GRIA4: variants seen among roughly 807,000 people sequenced by gnomAD.
GRIA4 encodes glutamate receptor 4.
In GRIA4, 34 loss-of-function variants were observed where a neutral mutation model predicts 104.0. That is an observed-to-expected ratio of 0.33 (90% CI 0.25 to 0.44). The LOEUF is 0.44. Ranked by LOEUF, GRIA4 falls within the 20% of genes least tolerant of loss-of-function variation. GRIA4 has a pLI of 1.00. For missense variants in GRIA4, 750 were observed against 1,096.5 expected (o/e 0.68, Z 4.46); for synonymous variants, 386 against 381.9 (o/e 1.01, Z -0.13).
chr11:105,708,257 C>A (rs1953778725), intron 3 of GRIA4, among the ~76,000 whole-genome samples: 1 of 152,020 alleles, frequency 6.6e-6, no homozygotes. Flanking sequence ...ATACATTCAT[C>A]CACTCATCTC....
chr11:105,728,129 C>T (rs571671497), intron 3 of GRIA4, among the ~76,000 whole-genome samples: 1 of 152,158 alleles, frequency 6.6e-6, no homozygotes, highest in African/African-American at 2.4e-5. Flanking sequence ...TCAGGAGACC[C>T]ATGTCATGTG....
chr11:105,913,110 A>G, intron 10 of GRIA4: 1 of 701,674 alleles, frequency 1.4e-6, no homozygotes, highest in Non-Finnish European at 1.8e-6. Context: ...TGAGAAATTC[A>G]GTTATTCATA....
chr11:105,948,086 ATC>A lies in GRIA4; in HGVS notation c.2294+14121_2294+14122del, dbSNP rs554336699. 1.6e-4 allele frequency among the ~76,000 whole-genome samples: 24 copies of A among 152,284 alleles called. No individual in the cohort carries two copies. The South Asian group carries it at 3.5e-3, about 22-fold the overall frequency. ...CTCAGCTTCCTTTCATTAGCTTGTA[ATC>A]TCTGTTTCTATAAGAAGCACTCTTA... On this transcript the variant is annotated intron_variant, in intron 14 of 16. Coordinates refer to ENST00000282499, the MANE Select transcript of GRIA4 (RefSeq NM_000829.4).
chr11:105,817,845 T>G (rs1173106506), intron 4 of GRIA4, among the ~76,000 whole-genome samples: 1 of 152,066 alleles, frequency 6.6e-6, no homozygotes. Context: ...AACATAGGAA[T>G]CTGTAAGCAC....
chr11:105,760,981 C>A (rs1940608631), intron 4 of GRIA4, among the ~76,000 whole-genome samples: 1 of 152,020 alleles, frequency 6.6e-6, no homozygotes, highest in Non-Finnish European at 1.5e-5. Context: ...AAATACAGTG[C>A]AAGACCTATG....
At chr11:105,654,779 A>C (rs866835450) in intron 3 of GRIA4, among the ~76,000 whole-genome samples, 5 of 152,282 alleles carry the variant, frequency 3.3e-5, no homozygotes, top group Middle Eastern at 3.4e-3. Flanking sequence ...GACAGGTCTG[A>C]GTACCTAGTA....
intron 4 of GRIA4, among the ~76,000 whole-genome samples, chr11:105,845,283 T>C (rs1944542229): frequency 6.6e-6 from 1 of 152,168 alleles, no homozygotes; most frequent in South Asian, 2.1e-4. Context: ...CTGTGGCTGC[T>C]TGGGCTTCCT....
At chr11:105,696,085 T>C (rs556394326) in intron 3 of GRIA4, among the ~76,000 whole-genome samples, 1 of 152,344 alleles carries the variant, frequency 6.6e-6, no homozygotes, top group Admixed American at 6.5e-5. Context: ...GTTGGGACTT[T>C]TATGTTGGCT....
chr11:105,864,592 C>G (rs1403028453), intron 5 of GRIA4, among the ~76,000 whole-genome samples: 1 of 152,048 alleles, frequency 6.6e-6, no homozygotes, highest in African/African-American at 2.4e-5. Flanking sequence ...TTTCTATGGC[C>G]GGGCATGGTG....
intron 4 of GRIA4, among the ~76,000 whole-genome samples, chr11:105,755,685 T>C (rs960425364): frequency 3.9e-5 from 6 of 152,222 alleles, no homozygotes; most frequent in African/African-American, 1.4e-4. Context: ...AGCTCAGCAC[T>C]TGAAGTGGTA....
intron 4 of GRIA4, among the ~76,000 whole-genome samples, chr11:105,833,469 A>T (rs531493496): frequency 1.1e-4 from 16 of 152,112 alleles, no homozygotes; most frequent in African/African-American, 3.9e-4. Flanking sequence ...ACAGATACAG[A>T]TGGTAGGATG....
chr11:105,767,101 G>A (rs1940980168), intron 4 of GRIA4, among the ~76,000 whole-genome samples: 1 of 152,140 alleles, frequency 6.6e-6, no homozygotes, highest in Non-Finnish European at 1.5e-5. Context: ...CCAACAGGAG[G>A]TGTTTCATAT....
intron 10 of GRIA4, chr11:105,912,929 T>C: frequency 1.0e-6 from 1 of 976,476 alleles, no homozygotes; most frequent in Non-Finnish European, 1.2e-6. Context: ...TTTTAATATA[T>C]GTGATACCTA....
chr11:105,887,713 G>A, intron 6 of GRIA4, 141 bp downstream of exon 6: 1 of 542,360 alleles, frequency 1.8e-6, no homozygotes, highest in Non-Finnish European at 3.3e-6. Flanking sequence ...TTATTACAAT[G>A]ATCATTAAAT....
rs2136199045 is a variant in GRIA4 at position 105,926,866 on chromosome 11, C to T, written c.1973C>T (p.Ala658Val). The T allele has an allele frequency of 6.2e-7, 1 of 1,611,578 alleles. No individual in the cohort carries two copies. ...VERMVSPIES[A>V]EDLAKQTEIA... ...CGAATGGTCTCTCCCATAGAAAGTG[C>T]AGAAGACCTGGCCAAACAAACAGAA... is the stretch of plus-strand genomic sequence containing the variant. Residue 658 changes from alanine to valine, a missense_variant, in exon 13 of 17, where the codon GCA becomes GTA. Coordinates refer to ENST00000282499, the MANE Select transcript of GRIA4 (RefSeq NM_000829.4).
intron 3 of GRIA4, among the ~76,000 whole-genome samples, chr11:105,667,237 A>C (rs1015775674): frequency 3.3e-5 from 5 of 152,008 alleles, no homozygotes; most frequent in Middle Eastern, 3.2e-3. Context: ...CCTATATTTA[A>C]TCTCCTCTGG....
chr11:105,771,906 T>C (rs1251944253), intron 4 of GRIA4, among the ~76,000 whole-genome samples: 1 of 152,070 alleles, frequency 6.6e-6, no homozygotes, highest in Non-Finnish European at 1.5e-5. Flanking sequence ...AAATCTATTA[T>C]AAAAATTAAA....
intron 1 of GRIA4, 37 bp from the exon 2 acceptor site, chr11:105,610,865 CTTTTCT>C (rs1247152149): frequency 2.0e-6 from 1 of 505,882 alleles, no homozygotes; most frequent in Non-Finnish European, 3.3e-6. Flanking sequence ...TCTTTTCTTT[CTTTTCT>C]TTTTTTTTTT....
At chr11:105,683,194 C>T (rs974312882) in intron 3 of GRIA4, among the ~76,000 whole-genome samples, 9 of 151,796 alleles carry the variant, frequency 5.9e-5, no homozygotes, top group Admixed American at 1.3e-4. Flanking sequence ...GTATTTAATG[C>T]GATTATGTTT....
Sources: gnomAD v4.1 joint callset for allele counts (sites outside exome capture counted in the v4.1 genomes callset) on GRCh38, gnomAD v4.1.1 for gene constraint, MANE v1.5 for transcripts, NCBI Gene and HGNC (gene_info 2026-07-23, HGNC 2026-07-21) for gene names.